Variants in CALCR observed in about 807,000 individuals in gnomAD.
CALCR encodes the protein calcitonin receptor.
In CALCR, 47 loss-of-function variants were observed where a neutral mutation model predicts 59.5. The ratio of observed to expected loss-of-function variants is 0.79; its 90% CI spans 0.63 to 1.01. CALCR has a LOEUF of 1.01. Among genes scored for constraint, CALCR ranks in the 50% least tolerant of loss-of-function variants. The pLI, the probability that CALCR is intolerant of heterozygous loss-of-function variation, is 0.00. For synonymous variants in CALCR, 213 were observed against 211.3 expected, an observed-to-expected ratio of 1.01 and a Z score of -0.07; for missense variants, 566 against 597.1, an observed-to-expected ratio of 0.95 and a Z score of 0.54.
chr7:93,437,424 T>C (rs923466366), intron 11 of CALCR, among the ~76,000 whole-genome samples: 41 of 152,262 alleles, frequency 2.7e-4, no homozygotes, highest in African/African-American at 9.9e-4. Context: ...CTTCCAAAAG[T>C]ACCTGAAAGA....
chr7:93,571,208 T>C (rs1295903477), intron 2 of CALCR, among the ~76,000 whole-genome samples: 1 of 152,130 alleles, frequency 6.6e-6, no homozygotes, highest in African/African-American at 2.4e-5. Context: ...AAGCACACAG[T>C]TGTCAAGAAA....
intron 2 of CALCR, among the ~76,000 whole-genome samples, chr7:93,543,184 T>A (rs1789193503): frequency 6.6e-6 from 1 of 152,176 alleles, no homozygotes; most frequent in South Asian, 2.1e-4. Flanking sequence ...TAGTTATACA[T>A]ACCAGGCTGG....
intron 2 of CALCR, among the ~76,000 whole-genome samples, chr7:93,504,737 T>C (rs542056818): frequency 6.6e-6 from 1 of 152,292 alleles, no homozygotes; most frequent in Middle Eastern, 3.4e-3. Flanking sequence ...AATAACTTCA[T>C]GCCATAAGAA....
chr7:93,495,866 G>A (rs780493771), intron 2 of CALCR: 30 of 1,517,618 alleles, frequency 2.0e-5, no homozygotes, highest in South Asian at 6.1e-5. Flanking sequence ...TGGGACAACC[G>A]AATCTATACT....
chr7:93,515,636 T>C (rs766402862), intron 2 of CALCR, among the ~76,000 whole-genome samples: 14 of 152,008 alleles, frequency 9.2e-5, no homozygotes, highest in Non-Finnish European at 1.2e-4. Flanking sequence ...TTTTTCACAA[T>C]TGAGTGTCTC....
At chr7:93,550,307 T>A (rs1002771192) in intron 2 of CALCR, among the ~76,000 whole-genome samples, 5 of 151,568 alleles carry the variant, frequency 3.3e-5, no homozygotes, top group African/African-American at 1.2e-4. Flanking sequence ...CTGGCCAACA[T>A]GGTGAAATCC....
chr7:93,516,345 T>G (rs1289409528), intron 2 of CALCR, among the ~76,000 whole-genome samples: 2 of 151,964 alleles, frequency 1.3e-5, no homozygotes, highest in African/African-American at 4.8e-5. Flanking sequence ...TGTGTCACAT[T>G]GATTCATGAA....
chr7:93,488,901 G>A lies in CALCR; in HGVS notation c.-26-1894C>T, dbSNP rs577172177. The stretch of plus-strand genomic sequence containing the variant: ...ATATTCAGGGCTTGAACTCAGCTCT[G>A]TATCAAGTGGACCTAATAGACATCT... On this transcript the variant is annotated intron_variant, in intron 2 of 13. Coordinates refer to ENST00000426151, the MANE Select transcript of CALCR (RefSeq NM_001742.4). 3.3e-5 allele frequency among the ~76,000 whole-genome samples: 5 copies of A among 151,766 alleles called. No individual in the cohort carries two copies. In the South Asian group the frequency reaches 1.0e-3, roughly 32 times the overall value.
At chr7:93,460,677 C>T (rs1375245297) in intron 8 of CALCR, 144 bp downstream of exon 8, 1 of 423,384 alleles carries the variant, frequency 2.4e-6, no homozygotes, top group Middle Eastern at 6.6e-4. Flanking sequence ...TGATATGCCT[C>T]ACAAAATGCA....
At chr7:93,462,774 G>T (rs1800363184) in intron 7 of CALCR, among the ~76,000 whole-genome samples, 1 of 151,856 alleles carries the variant, frequency 6.6e-6, no homozygotes, top group African/African-American at 2.4e-5. Context: ...TCATTCTCTT[G>T]TGTAAACCCA....
At chr7:93,501,696 A>C (rs1801324651) in intron 2 of CALCR, among the ~76,000 whole-genome samples, 2 of 152,190 alleles carry the variant, frequency 1.3e-5, no homozygotes, top group Non-Finnish European at 1.5e-5. Context: ...GTACGCATTC[A>C]GTGATAGGAG....
At chr7:93,480,378 A>G (rs1800768738) in intron 3 of CALCR, among the ~76,000 whole-genome samples, 1 of 151,154 alleles carries the variant, frequency 6.6e-6, no homozygotes, top group South Asian at 2.1e-4. Flanking sequence ...CTGCATAGAG[A>G]TTTTTTTTTC....
Position 93,468,781 on chromosome 7 carries a change from G to C in CALCR, c.455C>G (p.Ala152Gly). Reference sequence around the variant, plus strand: ...AATTGACAAAGAATGACCCACAATAGCCAAATAGTACAGAACATATGCATT... The same window carrying C: ...AATTGACAAAGAATGACCCACAATACCCAAATAGTACAGAACATATGCATT... ...LKNAYVLYYL[A>G]IVGHSLSIFT... The change falls in exon 7 of 14, where the codon GCT becomes GGT. Residue 152 changes from alanine to glycine, a missense_variant. Ala to Gly is a moderately conservative substitution (Grantham distance 60, BLOSUM62 0). Coordinates refer to ENST00000426151, the MANE Select transcript of CALCR (RefSeq NM_001742.4). 1.2e-6 allele frequency: 2 copies of C among 1,609,448 alleles called. No individual in the cohort carries two copies. Among genetic ancestry groups the C allele is most frequent in the Non-Finnish European group, 1.7e-6 (2 of 1,177,142 alleles).
chr7:93,435,277 C>T (rs538823919), intron 12 of CALCR, among the ~76,000 whole-genome samples: 8 of 152,264 alleles, frequency 5.3e-5, no homozygotes, highest in Non-Finnish European at 1.0e-4. Context: ...GAGCAGGAGG[C>T]ATGGACAGCC....
At chr7:93,437,915 A>T in intron 11 of CALCR, 145 bp downstream of exon 11, 1 of 777,352 alleles carries the variant, frequency 1.3e-6, no homozygotes, top group Non-Finnish European at 2.1e-6. Flanking sequence ...AGAGTCTAAA[A>T]TCAAATTGCT....
chr7:93,560,825 G>A (rs1163345635), intron 2 of CALCR, among the ~76,000 whole-genome samples: 1 of 152,036 alleles, frequency 6.6e-6, no homozygotes, highest in Non-Finnish European at 1.5e-5. Flanking sequence ...AGAAGCTTGG[G>A]GGATGCAGAT....
intron 8 of CALCR, among the ~76,000 whole-genome samples, chr7:93,457,240 C>G (rs1800227063): frequency 6.6e-6 from 1 of 152,180 alleles, no homozygotes. Flanking sequence ...TGAGCAATCA[C>G]TTGTAATATT....
intron 6 of CALCR, among the ~76,000 whole-genome samples, chr7:93,471,700 G>C (rs1260501589): frequency 6.6e-6 from 1 of 151,712 alleles, no homozygotes; most frequent in Non-Finnish European, 1.5e-5. Context: ...TGAGGAGGCT[G>C]GTTGTAGACT....
chr7:93,429,193 C>A (rs1395304255), intron 13 of CALCR, among the ~76,000 whole-genome samples: 23 of 152,058 alleles, frequency 1.5e-4, no homozygotes, highest in Non-Finnish European at 4.4e-5. Flanking sequence ...AGGCCCTTAG[C>A]AGCATAAAAA....
Sources: allele counts gnomAD v4.1 joint callset (sites outside exome capture counted in the v4.1 genomes callset), GRCh38; gene constraint gnomAD v4.1.1; transcripts MANE v1.5; gene names NCBI Gene and HGNC (gene_info 2026-07-23, HGNC 2026-07-21).